The following SHLD1 variants were observed in gnomAD, a reference collection of about 807,000 sequenced individuals.
The protein encoded by SHLD1 is shieldin complex subunit 1.
A neutral mutation model predicts 5.5 loss-of-function variants in SHLD1; 3 were observed. That is an observed-to-expected ratio of 0.54 (90% confidence interval 0.25 to 1.40). The LOEUF is 1.40. Among genes scored for constraint, SHLD1 ranks in the 40% most tolerant of loss-of-function variants. The pLI, the probability that SHLD1 is intolerant of heterozygous loss-of-function variation, is 0.15. For missense variants in SHLD1, 210 were observed against 244.4 expected (o/e 0.86, Z 0.94); for synonymous variants, 92 against 94.3 (o/e 0.98, Z 0.14).
intron 2 of SHLD1, among the ~76,000 whole-genome samples, chr20:5,818,079 CT>C (rs561637557): frequency 6.6e-6 from 1 of 151,340 alleles, no homozygotes; most frequent in African/African-American, 2.4e-5. Flanking sequence ...CTTTTTCTTT[CT>C]TTTTTTTATT....
At chr20:5,790,235 A>G (rs959408414) in intron 2 of SHLD1, among the ~76,000 whole-genome samples, 5 of 152,006 alleles carry the variant, frequency 3.3e-5, no homozygotes, top group Non-Finnish European at 7.4e-5. Context: ...GGAGCCTGAA[A>G]CTTCCTTCCT....
rs2088194112 is a variant in SHLD1 at position 5,863,664 on chromosome 20, T to C, written c.*201T>C. The C allele has an allele frequency of 1.9e-6, 1 of 537,274 alleles. No individual in the cohort carries two copies. The highest frequency in any genetic ancestry group is 3.2e-5 in the South Asian group (1 of 31,732). The allele number at this position is 537,274 out of a possible 1,614,324, so 33.3% of individuals were successfully genotyped here. A position where few individuals can be genotyped will look rare whatever the true frequency, so the allele number is the denominator to read the frequency against. On this transcript the variant is annotated 3_prime_UTR_variant, in exon 3 of 3. Coordinates refer to ENST00000303142, the MANE Select transcript of SHLD1 (RefSeq NM_152504.4). ...ATGGAGAGCCAGCAGGGTCTGGGAG[T>C]TCTCCGTCCTCTTGGCCAAGGCCGC...
intron 2 of SHLD1, among the ~76,000 whole-genome samples, chr20:5,848,433 C>T (rs774473243): frequency 2.0e-5 from 3 of 152,148 alleles, no homozygotes; most frequent in Non-Finnish European, 4.4e-5. Flanking sequence ...GCACAAGAAT[C>T]ACTTGAACCC....
chr20:5,760,415 G>A (rs1035797275), intron 1 of SHLD1, among the ~76,000 whole-genome samples: 1 of 152,208 alleles, frequency 6.6e-6, no homozygotes, highest in Non-Finnish European at 1.5e-5. Flanking sequence ...AGATGAGGCC[G>A]GGCTTGGTGG....
chr20:5,799,828 G>A (rs888513064), intron 2 of SHLD1, among the ~76,000 whole-genome samples: 13 of 152,168 alleles, frequency 8.5e-5, no homozygotes, highest in African/African-American at 3.1e-4. Flanking sequence ...AAGGTGGTAA[G>A]ATATCATTGA....
At chr20:5,782,080 C>A (rs1286255374) in intron 2 of SHLD1, among the ~76,000 whole-genome samples, 3 of 152,160 alleles carry the variant, frequency 2.0e-5, no homozygotes, top group Non-Finnish European at 4.4e-5. Flanking sequence ...TGTGCCCCCT[C>A]CTCCCTGGTC....
In SHLD1 at chr20:5,863,661, G is replaced by T; in HGVS notation, c.*198G>T. On this transcript the variant is annotated 3_prime_UTR_variant, in exon 3 of 3. Transcript: ENST00000303142. ...CATATGGAGAGCCAGCAGGGTCTGGGAGTTCTCCGTCCTCTTGGCCAAGGC... is the reference window on the plus strand; with the variant it reads ...CATATGGAGAGCCAGCAGGGTCTGGTAGTTCTCCGTCCTCTTGGCCAAGGC... The T allele has an allele frequency of 1.8e-6, 1 of 552,938 alleles. No individual in the cohort carries two copies. The highest frequency in any genetic ancestry group is 3.1e-6 in the Non-Finnish European group (1 of 322,994). The allele number at this position is 552,938 out of a possible 1,614,324, so 34.3% of individuals were successfully genotyped here.
intron 2 of SHLD1, among the ~76,000 whole-genome samples, chr20:5,824,397 C>G (rs1373389398): frequency 6.6e-6 from 1 of 152,174 alleles, no homozygotes; most frequent in African/African-American, 2.4e-5. Context: ...TGGCATTTAT[C>G]ACTGCCTGTG....
intron 2 of SHLD1, among the ~76,000 whole-genome samples, chr20:5,842,597 G>A (rs73081240): frequency 0.043 from 6,618 of 152,138 alleles, 215 homozygotes; most frequent in Non-Finnish European, 0.07. Flanking sequence ...CCTTTCCTTC[G>A]TTCTCTCTGT....
At chr20:5,851,041 A>G (rs1004325899) in intron 2 of SHLD1, among the ~76,000 whole-genome samples, 1 of 152,328 alleles carries the variant, frequency 6.6e-6, no homozygotes, top group South Asian at 2.1e-4. Context: ...ACCAACTAGT[A>G]TGGACGTCTC....
chr20:5,762,144 C>T (rs1218449116), intron 1 of SHLD1, among the ~76,000 whole-genome samples: 2 of 150,882 alleles, frequency 1.3e-5, no homozygotes, highest in Non-Finnish European at 2.9e-5. Flanking sequence ...CCCAGCTACT[C>T]GGGAGGCTGA....
At chr20:5,776,812 A>G (rs1041601705) in intron 2 of SHLD1, among the ~76,000 whole-genome samples, 1 of 151,914 alleles carries the variant, frequency 6.6e-6, no homozygotes, top group African/African-American at 2.4e-5. Flanking sequence ...AAGCATTCAC[A>G]TTGGTTTACT....
At chr20:5,843,831 C>T (rs544996625) in intron 2 of SHLD1, among the ~76,000 whole-genome samples, 5 of 152,312 alleles carry the variant, frequency 3.3e-5, no homozygotes, top group South Asian at 2.1e-4. Context: ...GAGGTATCCT[C>T]GCGAAGGTGG....
chr20:5,856,020 G>A (rs1268669134), intron 2 of SHLD1, among the ~76,000 whole-genome samples: 1 of 152,226 alleles, frequency 6.6e-6, no homozygotes, highest in African/African-American at 2.4e-5. Flanking sequence ...GTTCTGGAGT[G>A]AGGGTGAGGA....
intron 2 of SHLD1, among the ~76,000 whole-genome samples, chr20:5,825,118 C>T (rs2087651498): frequency 6.6e-6 from 1 of 152,232 alleles, no homozygotes; most frequent in East Asian, 1.9e-4. Flanking sequence ...CAAGTGTCGT[C>T]GGCTGACTGC....
chr20:5,785,977 T>G (rs2087054445), intron 2 of SHLD1, among the ~76,000 whole-genome samples: 1 of 152,118 alleles, frequency 6.6e-6, no homozygotes, highest in African/African-American at 2.4e-5. Context: ...ATTTCTCCCA[T>G]CTTCCTGTTG....
At chr20:5,755,692 T>A (rs912828170) in intron 1 of SHLD1, among the ~76,000 whole-genome samples, 4 of 152,046 alleles carry the variant, frequency 2.6e-5, no homozygotes, top group African/African-American at 7.2e-5. Flanking sequence ...CCCCAGTAGC[T>A]GGGATTACAG....
At chr20:5,830,645 G>A (rs1463847585) in intron 2 of SHLD1, among the ~76,000 whole-genome samples, 4 of 150,474 alleles carry the variant, frequency 2.7e-5, no homozygotes, top group African/African-American at 7.4e-5. Context: ...CCGAGATTGC[G>A]CCATTGCACT....
At chr20:5,777,145 TG>T (rs1197889801) in intron 2 of SHLD1, among the ~76,000 whole-genome samples, 1 of 152,058 alleles carries the variant, frequency 6.6e-6, no homozygotes, top group Non-Finnish European at 1.5e-5. Context: ...TGCACCACCA[TG>T]CCCAGCTAAT....
Sources: allele counts gnomAD v4.1 joint callset (sites outside exome capture counted in the v4.1 genomes callset), GRCh38; gene constraint gnomAD v4.1.1; transcripts MANE v1.5; gene names NCBI Gene and HGNC (gene_info 2026-07-23, HGNC 2026-07-21).